Variants in NUMB observed in about 807,000 individuals in gnomAD.
NUMB encodes the protein protein numb homolog.
Under a neutral mutation model 59.7 loss-of-function variants are expected in NUMB, and 29 were observed. That is an observed-to-expected ratio of 0.49 (90% CI 0.36 to 0.66). The LOEUF (loss-of-function observed/expected upper bound fraction) is 0.66. Among genes scored for constraint, NUMB ranks in the 30% least tolerant of loss-of-function variants. The pLI is 0.00. For synonymous variants in NUMB, 288 were observed against 288.2 expected (o/e 1.00, Z 0.01); for missense variants, 723 against 822.0 (o/e 0.88, Z 1.47).
intron 4 of NUMB, among the ~76,000 whole-genome samples, chr14:73,336,612 C>G (rs1415915617): frequency 6.6e-6 from 1 of 151,128 alleles, no homozygotes; most frequent in African/African-American, 2.4e-5. Context: ...TCATCTGGAA[C>G]AACTGGAAAA....
intron 4 of NUMB, among the ~76,000 whole-genome samples, chr14:73,350,255 C>T (rs1214078882): frequency 6.8e-6 from 1 of 148,082 alleles, no homozygotes; most frequent in African/African-American, 2.5e-5. Flanking sequence ...CTCACTGCAA[C>T]CTCTGCCTCC....
chr14:73,318,827 C>T (rs1018805111), intron 5 of NUMB, among the ~76,000 whole-genome samples: 1 of 151,440 alleles, frequency 6.6e-6, no homozygotes, highest in African/African-American at 2.4e-5. Flanking sequence ...TTTTAAAACA[C>T]TATCTTGTTT....
chr14:73,454,780 A>G (rs1884230426), intron 1 of NUMB, among the ~76,000 whole-genome samples: 1 of 152,230 alleles, frequency 6.6e-6, no homozygotes, highest in Non-Finnish European at 1.5e-5. Flanking sequence ...CAGATGAATA[A>G]TAAGTCCACT....
At chr14:73,322,077 C>T (rs1891433860) in intron 5 of NUMB, among the ~76,000 whole-genome samples, 1 of 152,132 alleles carries the variant, frequency 6.6e-6, no homozygotes, top group East Asian at 1.9e-4. Flanking sequence ...GAAAAAAGCA[C>T]ACATTAGTAG....
intron 2 of NUMB, among the ~76,000 whole-genome samples, chr14:73,372,297 T>C (rs1894712924): frequency 1.2e-5 from 1 of 82,766 alleles, no homozygotes; most frequent in African/African-American, 5.8e-5. Flanking sequence ...AATATATATA[T>C]ATTTCTTTTA....
chr14:73,356,019 TA>T (rs1893761913), intron 3 of NUMB, among the ~76,000 whole-genome samples: 1 of 133,816 alleles, frequency 7.5e-6, no homozygotes, highest in African/African-American at 3.2e-5. Context: ...CTAGTCCTTG[TA>T]AGAACAATAA....
intron 1 of NUMB, among the ~76,000 whole-genome samples, chr14:73,430,777 T>TAA (rs200427180): frequency 2.0e-5 from 3 of 151,292 alleles, no homozygotes; most frequent in African/African-American, 4.9e-5. Flanking sequence ...CCGTCTCTAC[T>TAA]AGAAAAAAAT....
At chr14:73,403,142 T>A (rs1896495684) in intron 2 of NUMB, among the ~76,000 whole-genome samples, 1 of 152,214 alleles carries the variant, frequency 6.6e-6, no homozygotes, top group African/African-American at 2.4e-5. Context: ...AAGCTTTTCC[T>A]TGGCATAGTC....
At chr14:73,387,982 G>A (rs937044893) in intron 2 of NUMB, among the ~76,000 whole-genome samples, 47 of 138,174 alleles carry the variant, frequency 3.4e-4, no homozygotes, top group Non-Finnish European at 5.7e-4. Flanking sequence ...AAAAAAATTA[G>A]CTGGTATGCA....
intron 4 of NUMB, among the ~76,000 whole-genome samples, chr14:73,353,072 G>GTCTTTTTTTTT (rs1893522429): frequency 1.7e-5 from 1 of 58,514 alleles, no homozygotes; most frequent in Non-Finnish European, 3.3e-5. Flanking sequence ...AGTTTTTCTT[G>GTCTTTTTTTTT]TTTTTTTTTT....
At chr14:73,378,002 C>T (rs1368597625) in intron 2 of NUMB, among the ~76,000 whole-genome samples, 2 of 148,356 alleles carry the variant, frequency 1.3e-5, no homozygotes, top group Non-Finnish European at 3.0e-5. Context: ...CATACACACA[C>T]ACACACACAC....
At chr14:73,393,826 C>T (rs961263638) in intron 2 of NUMB, among the ~76,000 whole-genome samples, 2 of 152,158 alleles carry the variant, frequency 1.3e-5, no homozygotes, top group African/African-American at 2.4e-5. Flanking sequence ...GGATCTTTTC[C>T]CCTCTTCTAA....
At chr14:73,439,535 C>G (rs2140183769) in intron 1 of NUMB, among the ~76,000 whole-genome samples, 1 of 152,190 alleles carries the variant, frequency 6.6e-6, no homozygotes, top group Admixed American at 6.5e-5. Flanking sequence ...ACATGGGAGA[C>G]TTTAATATTA....
intron 2 of NUMB, among the ~76,000 whole-genome samples, chr14:73,371,294 G>A (rs1215488579): frequency 6.6e-6 from 1 of 152,036 alleles, no homozygotes; most frequent in Admixed American, 6.6e-5. Context: ...TCAGCACTTT[G>A]GGAGACCCGA....
intron 1 of NUMB, among the ~76,000 whole-genome samples, chr14:73,448,931 C>T (rs970458998): frequency 1.3e-5 from 2 of 151,874 alleles, no homozygotes; most frequent in African/African-American, 2.4e-5. Context: ...ATAGTACAGT[C>T]GGTCCTCTGT....
At chr14:73,351,559 C>A (rs934423945) in intron 4 of NUMB, among the ~76,000 whole-genome samples, 1 of 152,020 alleles carries the variant, frequency 6.6e-6, no homozygotes. Context: ...TCTAATACCA[C>A]ATTCTTGCTT....
intron 7 of NUMB, among the ~76,000 whole-genome samples, chr14:73,296,457 A>G (rs1222485773): frequency 1.4e-5 from 2 of 145,760 alleles, no homozygotes; most frequent in East Asian, 2.0e-4. Flanking sequence ...AAAAAAAAAA[A>G]GAACTCAGAT....
At chr14:73,449,183 GTAT>G (rs2140204904) in intron 1 of NUMB, among the ~76,000 whole-genome samples, 1 of 152,172 alleles carries the variant, frequency 6.6e-6, no homozygotes, top group South Asian at 2.1e-4. Context: ...CTAATATTAA[GTAT>G]TATAATTAAT....
intron 2 of NUMB, among the ~76,000 whole-genome samples, chr14:73,401,022 C>T (rs1896386355): frequency 6.6e-6 from 1 of 152,156 alleles, no homozygotes; most frequent in African/African-American, 2.4e-5. Context: ...GCCAGAAGCA[C>T]AGGACACAAC....
Sources: gnomAD v4.1 joint callset for allele counts (sites outside exome capture counted in the v4.1 genomes callset) on GRCh38, gnomAD v4.1.1 for gene constraint, MANE v1.5 for transcripts, NCBI Gene and HGNC (gene_info 2026-07-23, HGNC 2026-07-21) for gene names.